ABCG1: variants seen among roughly 807,000 people sequenced by gnomAD.
The protein encoded by ABCG1 is ATP-binding cassette sub-family G member 1.
In ABCG1, 29 loss-of-function variants were observed where a neutral mutation model predicts 69.2. The observed-to-expected ratio is 0.42, with a 90% CI of 0.31 to 0.57. The LOEUF is 0.57. ABCG1 is among the 20% of genes least tolerant of loss of function. ABCG1 has a pLI of 0.15. For synonymous variants in ABCG1, 370 were observed against 374.8 expected (o/e 0.99, Z 0.15); for missense variants, 718 against 898.1 (o/e 0.80, Z 2.56).
chr21:42,237,364 C>A (rs2123578894), intron 2 of ABCG1, among the ~76,000 whole-genome samples: 1 of 152,358 alleles, frequency 6.6e-6, no homozygotes, highest in East Asian at 1.9e-4. Flanking sequence ...AGCATTTGTG[C>A]TTTCTTTGGG....
At chr21:42,215,160 C>T (rs1035281971), upstream of ABCG1, among the ~76,000 whole-genome samples, 22 of 152,160 alleles carry the variant, frequency 1.4e-4, no homozygotes, top group African/African-American at 4.8e-4. Context: ...GAAGATGGGG[C>T]AATTCAAGTC....
intron 1 of ABCG1, among the ~76,000 whole-genome samples, chr21:42,220,703 C>T (rs1225614848): frequency 1.3e-5 from 2 of 152,358 alleles, no homozygotes; most frequent in Non-Finnish European, 1.5e-5. Flanking sequence ...AAAGCCGTTT[C>T]CCTCCCGGTG....
At chr21:42,270,958 G>A (rs2123729503) in intron 2 of ABCG1, 112 bp from the exon 3 acceptor site, 4 of 616,228 alleles carry the variant, frequency 6.5e-6, no homozygotes, top group Admixed American at 3.1e-5. Flanking sequence ...CCTTTTCTAT[G>A]ATGCATGTCA....
At chr21:42,241,914 G>A (rs948402163) in intron 2 of ABCG1, among the ~76,000 whole-genome samples, 1 of 147,582 alleles carries the variant, frequency 6.8e-6, no homozygotes, top group Non-Finnish European at 1.5e-5. Flanking sequence ...GGAGGTTGAG[G>A]CTGCAGTGAG....
chr21:42,282,118 C>G (rs1017566065), intron 5 of ABCG1, among the ~76,000 whole-genome samples, 156 bp from the exon 6 acceptor site: 2 of 152,244 alleles, frequency 1.3e-5, no homozygotes, highest in African/African-American at 4.8e-5. Flanking sequence ...TGGCACTGGG[C>G]AGCCTGGAGT....
Position 42,219,157 on chromosome 21 carries a change from C to T in ABCG1, c.-106C>T, listed in dbSNP as rs2067678527. 1 of 1,064,298 alleles carries T rather than the reference C, an allele frequency of 9.4e-7. No individual in the cohort carries two copies. The highest frequency in any genetic ancestry group is 4.1e-5 in the South Asian group (1 of 24,204). 65.9% of individuals were successfully genotyped at this position (1,064,298 alleles called of 1,614,324 possible). A position where few individuals can be genotyped will look rare whatever the true frequency, so the allele number is the denominator to read the frequency against. ...TCCCAGCCGGAGCCCAAGCGCAGCC[C>T]GCACCCCGCGCAGCGGCTGAGCCGG... On this transcript the variant is annotated 5_prime_UTR_variant, in exon 1 of 15. Transcript: ENST00000398449. The surrounding 1 kb of genome is among the most constrained non-coding windows in gnomAD (Gnocchi z 5.3).
intron 2 of ABCG1, chr21:42,259,948 G>A: frequency 6.7e-7 from 1 of 1,483,408 alleles, no homozygotes; most frequent in Non-Finnish European, 9.0e-7. Context: ...GTTGGACGGT[G>A]GTGTTGGCTT....
In ABCG1 at chr21:42,296,400, G is replaced by C. The variant is rs2069211467; in HGVS notation, c.*8G>C. 1.2e-6 allele frequency: 2 copies of C among 1,608,330 alleles called. No individual in the cohort carries two copies. Among genetic ancestry groups the C allele is most frequent in the East Asian group, 4.5e-5 (2 of 44,850 alleles). ...ATCCGGGCAGAGAGGTAAAACACCT[G>C]AATGCCAGGAAACAGGAAGATTAGA... On this transcript the variant is annotated 3_prime_UTR_variant, in exon 15 of 15. Transcript: ENST00000398449. The surrounding 1 kb of genome is among the most constrained non-coding windows in gnomAD (Gnocchi z 5.4).
intron 2 of ABCG1, among the ~76,000 whole-genome samples, chr21:42,234,931 C>T (rs2067956409): frequency 1.3e-5 from 2 of 151,966 alleles, no homozygotes; most frequent in Admixed American, 1.3e-4. Context: ...CGCGGCGGAG[C>T]GGCGGCGCGG....
intron 2 of ABCG1, among the ~76,000 whole-genome samples, chr21:42,238,725 A>T (rs942727325): frequency 1.3e-5 from 2 of 152,092 alleles, no homozygotes; most frequent in African/African-American, 2.4e-5. Context: ...TCTTAGGAGG[A>T]TGTGAGATGT....
chr21:42,259,505 G>C, intron 2 of ABCG1: 1 of 1,546,498 alleles, frequency 6.5e-7, no homozygotes, highest in Non-Finnish European at 8.7e-7. Context: ...GTCCACTCAA[G>C]GTGCATTGAC....
At position 42,225,865 on chromosome 21, in the gene ABCG1, C is replaced by G. The variant is rs1462759894; in HGVS notation, c.237C>G (p.Phe79Leu). 13 of 1,613,886 alleles carry G rather than the reference C, an allele frequency of 8.1e-6. No individual in the cohort carries two copies. The South Asian group carries it at 1.4e-4, about 18-fold the overall frequency. The change falls in exon 2 of 15, where the codon TTC (phenylalanine) becomes TTG (leucine). Residue 79 changes from phenylalanine to leucine, a missense_variant. By Grantham distance (22) the Phe-to-Leu change is conservative. Around this residue, in one of 2 missense-constraint regions of ABCG1, gnomAD observed 514 missense variants for 574.3 expected, o/e 0.90. Transcript: ENST00000398449. ...LPRRAAVNIE[F>L]RDLSYSVPEG... Reference sequence around the variant, plus strand: ...GGAGGGCAGCTGTGAACATTGAATTCAGGGACCTTTCCTATTCGGTTCCTG... The same window carrying G: ...GGAGGGCAGCTGTGAACATTGAATTGAGGGACCTTTCCTATTCGGTTCCTG...
In ABCG1 at chr21:42,238,176, G is replaced by A. The variant is rs184746835; in HGVS notation, c.286+12262G>A. ...CTTGGTATTTATTAGTCTGTGAGCA[G>A]TAACTTACTCTGTCTTCACAGCAAC... On this transcript the variant is annotated intron_variant, in intron 2 of 14. Transcript: ENST00000398449. 3.9e-5 allele frequency among the ~76,000 whole-genome samples: 6 copies of A among 152,320 alleles called. No homozygotes were observed. In the East Asian group the frequency reaches 1.2e-3, roughly 29 times the overall value.
chr21:42,284,452 C>A lies in ABCG1; in HGVS notation c.735-108C>A, dbSNP rs112143574. 12 of 1,380,442 alleles carry A rather than the reference C, an allele frequency of 8.7e-6. 1 individual carries two copies. The African/African-American group carries it at 1.2e-4, about 13-fold the overall frequency. The allele number at this position is 1,380,442 out of a possible 1,614,324, so 85.5% of individuals were successfully genotyped here. A position where few individuals can be genotyped will look rare whatever the true frequency, so the allele number is the denominator to read the frequency against. On this transcript the variant is annotated intron_variant, in intron 6 of 14. Coordinates refer to ENST00000398449, the MANE Select transcript of ABCG1 (RefSeq NM_016818.3). ...GGGACGGGGCAGCTGCAGCTGCAGC[C>A]CCTGATGCCAAGCCCTCTGGGACAG...
chr21:42,291,663 G>T lies in ABCG1; in HGVS notation c.1653+7G>T. ...CGCCTCCACGTCCCTGCAGGTGCCA[G>T]CCCAGGAGGCGCTAAGTGAGGGCAT... On this transcript the variant is annotated splice_region_variant and intron_variant, in intron 13 of 14. Transcript: ENST00000398449. The surrounding 1 kb of genome is among the most constrained non-coding windows in gnomAD (Gnocchi z 6.4). 1 of 1,595,132 alleles carries T rather than the reference G, an allele frequency of 6.3e-7. No homozygotes were observed. The highest frequency in any genetic ancestry group is 1.1e-5 in the South Asian group (1 of 90,248).
At chr21:42,256,303 C>G in intron 2 of ABCG1, 2 of 1,532,320 alleles carry the variant, frequency 1.3e-6, no homozygotes, top group Non-Finnish European at 1.8e-6. Flanking sequence ...CCAACTTTTG[C>G]CCGGAGTCTA....
intron 2 of ABCG1, among the ~76,000 whole-genome samples, chr21:42,231,487 A>G (rs141683705): frequency 1.8e-3 from 281 of 152,346 alleles, no homozygotes; most frequent in African/African-American, 5.4e-3. Flanking sequence ...TCTACGCTAT[A>G]AAAATGCATT....
At chr21:42,284,517 T>C in intron 6 of ABCG1, 43 bp from the exon 7 acceptor site, 1 of 1,604,442 alleles carries the variant, frequency 6.2e-7, no homozygotes, top group Non-Finnish European at 8.5e-7. Context: ...AGTGGCTAGT[T>C]CCTGCCGCCC....
At chr21:42,211,794 C>A, upstream of ABCG1, among the ~76,000 whole-genome samples, 1 of 151,722 alleles carries the variant, frequency 6.6e-6, no homozygotes, top group African/African-American at 2.4e-5. Context: ...GAGGCTGAGG[C>A]AGGAGAATCG....
Sources: allele counts gnomAD v4.1 joint callset (sites outside exome capture counted in the v4.1 genomes callset), GRCh38; gene constraint gnomAD v4.1.1; regional missense constraint gnomAD v4.1.1; non-coding constraint Gnocchi (gnomAD v3.1); transcripts MANE v1.5; gene names NCBI Gene and HGNC (gene_info 2026-07-23, HGNC 2026-07-21).